The following PPP4R1 variants were observed in gnomAD, a reference collection of about 807,000 sequenced individuals.
PPP4R1 encodes the protein serine/threonine-protein phosphatase 4 regulatory subunit 1.
PPP4R1 carries 42 observed loss-of-function variants against 111.2 expected under a neutral mutation model. The ratio of observed to expected loss-of-function variants is 0.38; its 90% CI spans 0.29 to 0.49. The LOEUF (loss-of-function observed/expected upper bound fraction) is 0.49, where lower values mean the gene tolerates loss of function less well. Among genes scored for constraint, PPP4R1 ranks in the 20% least tolerant of loss-of-function variants. The pLI is 0.97. For synonymous variants in PPP4R1, 409 were observed against 405.5 expected, an observed-to-expected ratio of 1.01 and a Z score of -0.10; for missense variants, 1,012 against 1,161.6, an observed-to-expected ratio of 0.87 and a Z score of 1.87.
At chr18:9,560,641 G>A (rs2066657937) in intron 13 of PPP4R1, among the ~76,000 whole-genome samples, 1 of 152,010 alleles carries the variant, frequency 6.6e-6, no homozygotes, top group African/African-American at 2.4e-5. Context: ...TCTGTAAGTG[G>A]GGAAAAGCAT....
chr18:9,577,334 A>C (rs1419454456), intron 9 of PPP4R1, 143 bp from the exon 10 acceptor site: 5 of 993,274 alleles, frequency 5.0e-6, no homozygotes, highest in Non-Finnish European at 5.8e-6. Context: ...GGAAGCCCAG[A>C]TTCAGAACTT....
chr18:9,564,558 C>T (rs535304338), intron 11 of PPP4R1, among the ~76,000 whole-genome samples: 1 of 152,272 alleles, frequency 6.6e-6, no homozygotes, highest in South Asian at 2.1e-4. Context: ...TTCAGAATTT[C>T]GGCTGCAATT....
chr18:9,561,247 A>T (rs1483119267), intron 13 of PPP4R1, among the ~76,000 whole-genome samples: 17 of 148,810 alleles, frequency 1.1e-4, no homozygotes, highest in Non-Finnish European at 2.2e-4. Flanking sequence ...TAATAATAAT[A>T]ATAATAATAA....
At chr18:9,613,800 G>C (rs2067628520) in intron 2 of PPP4R1, 2 of 153,172 alleles carry the variant, frequency 1.3e-5, no homozygotes, top group Non-Finnish European at 2.9e-5. Context: ...TCCTGGAAGA[G>C]CGACTCTAAG....
intron 5 of PPP4R1, 39 bp downstream of exon 5, chr18:9,588,672 C>T (rs763187447): frequency 6.4e-5 from 99 of 1,535,020 alleles, no homozygotes; most frequent in Non-Finnish European, 8.6e-5. Flanking sequence ...TATTACACTA[C>T]GTAAATTTCT....
chr18:9,570,625 C>T lies in PPP4R1; in HGVS notation c.1105G>A (p.Asp369Asn). 6.2e-7 allele frequency: 1 copy of T among 1,613,350 alleles called. No individual in the cohort carries two copies. Among genetic ancestry groups the T allele is most frequent in the Non-Finnish European group, 8.5e-7 (1 of 1,179,714 alleles). Residue 369 changes from aspartate to asparagine, a missense_variant, in exon 11 of 20, where the codon GAT (aspartate) becomes AAT (asparagine). Transcript: ENST00000400556. ...ACACTGGAATTACTAACACTGAGAT[C>T]TGAAGGAGTATCCTCTGGCCTGACT... is the stretch of plus-strand genomic sequence containing the variant. ...VQVRPEDTPS[D>N]LSVSNSSVIL...
At chr18:9,579,783 G>A (rs1297171307) in intron 9 of PPP4R1, among the ~76,000 whole-genome samples, 1 of 152,134 alleles carries the variant, frequency 6.6e-6, no homozygotes, top group East Asian at 1.9e-4. Flanking sequence ...GTAATCTAGA[G>A]ACGATTTACA....
intron 18 of PPP4R1, chr18:9,549,738 T>C: frequency 2.0e-6 from 1 of 496,776 alleles, no homozygotes; most frequent in South Asian, 2.4e-5. Context: ...CACTGTGAAA[T>C]GTACATATAC....
intron 2 of PPP4R1, among the ~76,000 whole-genome samples, chr18:9,605,977 A>G (rs1460843262): frequency 1.3e-5 from 2 of 152,240 alleles, no homozygotes; most frequent in African/African-American, 4.8e-5. Context: ...CAAACTGGCA[A>G]AATGTTAACA....
intron 10 of PPP4R1, among the ~76,000 whole-genome samples, chr18:9,574,108 T>G (rs552680141): frequency 2.3e-4 from 35 of 152,324 alleles, no homozygotes; most frequent in Middle Eastern, 3.4e-3. Flanking sequence ...AATGCTATTG[T>G]ACAAGACAAA....
intron 10 of PPP4R1, 131 bp from the exon 11 acceptor site, chr18:9,570,814 TGA>T: frequency 1.1e-6 from 1 of 951,200 alleles, no homozygotes; most frequent in Non-Finnish European, 1.5e-6. Context: ...CTGTACAAAC[TGA>T]GTTTATGTAT....
intron 15 of PPP4R1, among the ~76,000 whole-genome samples, chr18:9,556,007 C>CAAA (rs71358237): frequency 1.4e-5 from 2 of 147,332 alleles, no homozygotes; most frequent in African/African-American, 2.5e-5. Flanking sequence ...CAAAAAAACA[C>CAAA]AAAATCGGCC....
rs1428855011 is a variant in PPP4R1 at position 9,588,235 on chromosome 18, C to A, written c.439G>T (p.Val147Leu). The A allele has an allele frequency of 6.2e-7, 1 of 1,612,044 alleles. No individual in the cohort carries two copies. The highest frequency in any genetic ancestry group is 1.1e-5 in the South Asian group (1 of 90,664). The change falls in exon 6 of 20, where the codon GTG (valine) becomes TTG (leucine). Residue 147 changes from valine to leucine, a missense_variant and splice_region_variant. Around this residue, in one of 2 missense-constraint regions of PPP4R1, gnomAD observed 707 missense variants for 742.1 expected, o/e 0.95. Coordinates refer to ENST00000400556, the MANE Select transcript of PPP4R1 (RefSeq NM_001042388.3). The stretch of plus-strand genomic sequence containing the variant: ...AAAGCTGCCTGACTTGTTTTCCTCA[C>A]CTAGGAGAAAAATAACAACACAAAG... ...VRYLADQNNQ[V>L]RKTSQAALLA...
At position 9,575,408 on chromosome 18, in the gene PPP4R1, T is replaced by C. The variant is rs2066921137; in HGVS notation, c.1046+1656A>G. Among the ~76,000 whole-genome samples the C allele has an allele frequency of 2.0e-5, 3 of 152,322 alleles. No individual in the cohort carries two copies. The East Asian group carries it at 5.8e-4, about 29-fold the overall frequency. On this transcript the variant is annotated intron_variant, in intron 10 of 19. Coordinates refer to ENST00000400556, the MANE Select transcript of PPP4R1 (RefSeq NM_001042388.3). ...CTAATGGTTCTGAGATTTAATAATA[T>C]ATAGGACTACTTCTTTATAGTTTGT... is the stretch of plus-strand genomic sequence containing the variant.
rs148229929 is a variant in PPP4R1, at chr18:9,595,472, T to C, written c.53-319A>G. Among the ~76,000 whole-genome samples, 36 of 152,298 alleles carry C rather than the reference T, an allele frequency of 2.4e-4. 1 individual carries two copies. In the East Asian group the frequency reaches 2.7e-3, roughly 11 times the overall value. On this transcript the variant is annotated intron_variant, in intron 2 of 19. Transcript: ENST00000400556. ...AATCAAGACACTAACAACTTGTGAA[T>C]AGGCACACAAAAAGTCAAGCACCAA...
chr18:9,616,492 T>G (rs62088912), upstream of PPP4R1, among the ~76,000 whole-genome samples: 14,151 of 152,216 alleles, frequency 0.093, 708 homozygotes, highest in African/African-American at 0.11. Context: ...CAGGTGGGTC[T>G]TGAACTCCTG....
In PPP4R1 at chr18:9,583,165, G is replaced by T. The variant is rs368378809; in HGVS notation, c.870C>A (p.Thr290=). The change falls in exon 9 of 20, where the codon ACC becomes ACA. Residue 290 remains threonine, a synonymous_variant. Coordinates refer to ENST00000400556, the MANE Select transcript of PPP4R1 (RefSeq NM_001042388.3). ...AATTAATAAAAAGTGCTGATAATTT[G>T]GTCCGTCGGATTTCTTGACATGTTG... The part of the protein sequence containing the change: ...SCATCQEIRR[T]KLSALFINLI... 8.7e-6 allele frequency: 14 copies of T among 1,611,886 alleles called. No individual in the cohort carries two copies. In the African/African-American group the frequency reaches 1.9e-4, roughly 22 times the overall value.
At chr18:9,600,753 C>T (rs1332132414) in intron 2 of PPP4R1, among the ~76,000 whole-genome samples, 2 of 152,024 alleles carry the variant, frequency 1.3e-5, no homozygotes, top group African/African-American at 4.8e-5. Flanking sequence ...TGGTGGTGCA[C>T]ACCTGTGATC....
chr18:9,597,317 G>A (rs2067305710), intron 2 of PPP4R1, among the ~76,000 whole-genome samples: 1 of 152,166 alleles, frequency 6.6e-6, no homozygotes, highest in African/African-American at 2.4e-5. Flanking sequence ...TATAATCCCA[G>A]CAGACTCCTG....
Sources: allele counts gnomAD v4.1 joint callset (sites outside exome capture counted in the v4.1 genomes callset), GRCh38; gene constraint gnomAD v4.1.1; regional missense constraint gnomAD v4.1.1; transcripts MANE v1.5; gene names NCBI Gene and HGNC (gene_info 2026-07-23, HGNC 2026-07-21).